The following FAM227B variants were observed in gnomAD, a reference collection of about 807,000 sequenced individuals.
FAM227B encodes the protein protein FAM227B.
Under a neutral mutation model 73.8 loss-of-function variants are expected in FAM227B, and 88 were observed. That is an observed-to-expected ratio of 1.19 (90% confidence interval 1.00 to 1.42). The LOEUF (loss-of-function observed/expected upper bound fraction) is 1.42, where lower values mean the gene tolerates loss of function less well. Ranked by LOEUF, FAM227B falls within the 40% of genes most tolerant of loss-of-function variation. The probability of loss-of-function intolerance (pLI) is 0.00; values close to 1 mark genes in which losing one functional copy is unlikely to be tolerated. For missense variants in FAM227B, 632 were observed against 590.9 expected, an observed-to-expected ratio of 1.07 and a Z score of -0.72; for synonymous variants, 210 against 190.5, an observed-to-expected ratio of 1.10 and a Z score of -0.84.
At chr15:49,557,586 C>T (rs1440749340) in intron 9 of FAM227B, among the ~76,000 whole-genome samples, 1 of 152,078 alleles carries the variant, frequency 6.6e-6, no homozygotes, top group South Asian at 2.1e-4. Flanking sequence ...TGAAGATTCA[C>T]CAAGGAAGCA....
intron 10 of FAM227B, among the ~76,000 whole-genome samples, chr15:49,513,087 T>C (rs1466156155): frequency 1.3e-5 from 2 of 152,158 alleles, no homozygotes; most frequent in African/African-American, 2.4e-5. Flanking sequence ...ATCTTTATAA[T>C]AGAATGATTT....
In FAM227B at chr15:49,380,377, A is replaced by C. The variant is rs140143382; in HGVS notation, c.1013-8978T>G. Among the ~76,000 whole-genome samples the C allele has an allele frequency of 9.7e-4, 147 of 152,262 alleles. 1 individual carries two copies. The highest frequency in any genetic ancestry group is 3.4e-3 in the African/African-American group (142 of 41,536). The stretch of plus-strand genomic sequence containing the variant: ...AGCCCACGTGGTGCTCTGCCCTGCC[A>C]TGGCTTTGCTGGTACCTAAGGTGAA... On this transcript the variant is annotated intron_variant, in intron 11 of 15. Transcript: ENST00000299338.
intron 11 of FAM227B, among the ~76,000 whole-genome samples, chr15:49,444,312 T>C (rs2051971212): frequency 6.6e-6 from 1 of 151,724 alleles, no homozygotes; most frequent in Admixed American, 6.6e-5. Context: ...CATTTTAACA[T>C]TTCAGTAAAA....
intron 5 of FAM227B, among the ~76,000 whole-genome samples, chr15:49,579,119 T>C (rs377499659): frequency 5.9e-5 from 9 of 152,126 alleles, no homozygotes; most frequent in African/African-American, 1.9e-4. Context: ...TATCATCTTA[T>C]CCAAATTAGA....
chr15:49,573,315 A>C (rs1370652556), intron 8 of FAM227B, among the ~76,000 whole-genome samples: 2 of 152,238 alleles, frequency 1.3e-5, no homozygotes, highest in East Asian at 3.9e-4. Flanking sequence ...TTATAAACTT[A>C]TTAGGATATT....
chr15:49,496,872 C>T (rs1396517755), intron 11 of FAM227B, among the ~76,000 whole-genome samples: 1 of 151,994 alleles, frequency 6.6e-6, no homozygotes, highest in African/African-American at 2.4e-5. Context: ...CCTAGTTCTG[C>T]TCTTTATCTG....
intron 11 of FAM227B, among the ~76,000 whole-genome samples, chr15:49,453,805 C>A (rs143018934): frequency 4.6e-5 from 7 of 152,196 alleles, no homozygotes; most frequent in African/African-American, 1.7e-4. Context: ...AATTTCAGCA[C>A]GTTCCCAATT....
At chr15:49,554,988 T>G (rs1160487538) in intron 9 of FAM227B, among the ~76,000 whole-genome samples, 1 of 152,200 alleles carries the variant, frequency 6.6e-6, no homozygotes, top group Admixed American at 6.5e-5. Context: ...GTATGTGAGA[T>G]TGGTCTCTTG....
chr15:49,606,747 T>C (rs955835679), intron 3 of FAM227B, among the ~76,000 whole-genome samples: 3 of 152,192 alleles, frequency 2.0e-5, no homozygotes, highest in Non-Finnish European at 4.4e-5. Context: ...TCTTTCTCAA[T>C]GTGGAAGCCT....
intron 9 of FAM227B, among the ~76,000 whole-genome samples, chr15:49,557,751 A>C (rs186008374): frequency 6.6e-6 from 1 of 152,292 alleles, no homozygotes; most frequent in Admixed American, 6.5e-5. Flanking sequence ...AATCCCGGAC[A>C]TGAGAGATAT....
chr15:49,609,721 C>A (rs1374877172), intron 3 of FAM227B, among the ~76,000 whole-genome samples: 2 of 152,080 alleles, frequency 1.3e-5, no homozygotes, highest in East Asian at 3.9e-4. Context: ...AATTAAGCAT[C>A]TAGTCATTTT....
intron 3 of FAM227B, among the ~76,000 whole-genome samples, chr15:49,591,922 G>A (rs2076604547): frequency 6.6e-6 from 1 of 152,074 alleles, no homozygotes; most frequent in South Asian, 2.1e-4. Context: ...ATGTTGAAAA[G>A]CACTTAGGTT....
At chr15:49,556,368 G>A (rs899002256) in intron 9 of FAM227B, among the ~76,000 whole-genome samples, 1 of 152,168 alleles carries the variant, frequency 6.6e-6, no homozygotes, top group Non-Finnish European at 1.5e-5. Context: ...CCTGGGCAGG[G>A]TGCTCTAACT....
At chr15:49,400,873 C>T (rs1301217395) in intron 11 of FAM227B, among the ~76,000 whole-genome samples, 6 of 151,146 alleles carry the variant, frequency 4.0e-5, no homozygotes, top group East Asian at 1.9e-4. Flanking sequence ...AAGACTTAAA[C>T]GTTAGACCTA....
intron 5 of FAM227B, 122 bp downstream of exon 5, chr15:49,587,894 G>T (rs1438538793): frequency 8.3e-6 from 7 of 844,898 alleles, no homozygotes; most frequent in East Asian, 3.8e-5. Context: ...GAGATAGATT[G>T]GTAACAGTAG....
intron 3 of FAM227B, among the ~76,000 whole-genome samples, chr15:49,599,843 A>C (rs2153302349): frequency 6.6e-6 from 1 of 152,274 alleles, no homozygotes; most frequent in Admixed American, 6.5e-5. Flanking sequence ...TCCATCCTGG[A>C]GAATTTTCTT....
At chr15:49,338,762 C>T (rs1313072559) in intron 13 of FAM227B, among the ~76,000 whole-genome samples, 1 of 152,200 alleles carries the variant, frequency 6.6e-6, no homozygotes, top group East Asian at 1.9e-4. Flanking sequence ...TTCAGGTACA[C>T]CAATCAATTG....
intron 9 of FAM227B, among the ~76,000 whole-genome samples, chr15:49,558,432 TGCCAGTCTCCATTGCTC>T (rs2073946115): frequency 6.6e-6 from 1 of 152,186 alleles, no homozygotes; most frequent in African/African-American, 2.4e-5. Flanking sequence ...GCCCCACAGC[TGCCAGTCTCCATTGCTC>T]CAGCTGAGGG....
At chr15:49,354,718 C>A (rs889604742) in intron 13 of FAM227B, among the ~76,000 whole-genome samples, 2 of 152,276 alleles carry the variant, frequency 1.3e-5, no homozygotes, top group Non-Finnish European at 2.9e-5. Context: ...TCGGGAAGCT[C>A]GAACTGGGTG....
Sources: allele counts gnomAD v4.1 joint callset (sites outside exome capture counted in the v4.1 genomes callset), GRCh38; gene constraint gnomAD v4.1.1; transcripts MANE v1.5; gene names NCBI Gene and HGNC (gene_info 2026-07-23, HGNC 2026-07-21).